Variants in RUNX2 observed in about 807,000 individuals in gnomAD.
RUNX2 encodes the protein runt-related transcription factor 2.
Under a neutral mutation model 51.7 loss-of-function variants are expected in RUNX2, and 10 were observed. The ratio of observed to expected loss-of-function variants is 0.19; its 90% confidence interval spans 0.12 to 0.33. The LOEUF (loss-of-function observed/expected upper bound fraction) is 0.33. RUNX2 is among the 10% of genes least tolerant of loss of function. The pLI, the probability that RUNX2 is intolerant of heterozygous loss-of-function variation, is 1.00. For missense variants in RUNX2, 562 were observed against 691.3 expected, an observed-to-expected ratio of 0.81 and a Z score of 2.10; for synonymous variants, 276 against 273.6, an observed-to-expected ratio of 1.01 and a Z score of -0.09.
chr6:45,463,315 C>T (rs1452259238), intron 5 of RUNX2, among the ~76,000 whole-genome samples: 1 of 152,136 alleles, frequency 6.6e-6, no homozygotes, highest in Non-Finnish European at 1.5e-5. Flanking sequence ...TTATATCATC[C>T]TCAGGCATAT....
intron 7 of RUNX2, among the ~76,000 whole-genome samples, chr6:45,521,047 C>G (rs1242087883): frequency 2.0e-5 from 3 of 152,280 alleles, no homozygotes; most frequent in African/African-American, 7.2e-5. Flanking sequence ...AATTTAATTG[C>G]ATGCCATTCT....
intron 2 of RUNX2, among the ~76,000 whole-genome samples, chr6:45,412,384 C>T (rs1214604809): frequency 2.0e-5 from 3 of 150,872 alleles, no homozygotes; most frequent in South Asian, 4.2e-4. Context: ...AACAAAACCC[C>T]CCAAAAAAAA....
At chr6:45,356,003 G>A (rs544513063) in intron 2 of RUNX2, among the ~76,000 whole-genome samples, 1 of 152,214 alleles carries the variant, frequency 6.6e-6, no homozygotes, top group South Asian at 2.1e-4. Flanking sequence ...TACTAGCCAT[G>A]GCAAAAACTG....
intron 7 of RUNX2, among the ~76,000 whole-genome samples, chr6:45,535,169 T>C (rs1183857299): frequency 6.6e-6 from 1 of 151,926 alleles, no homozygotes; most frequent in Admixed American, 6.6e-5. Context: ...GACGATGAAA[T>C]AATCTGTATA....
At chr6:45,438,133 C>A in intron 5 of RUNX2, 82 bp downstream of exon 5, 2 of 882,552 alleles carry the variant, frequency 2.3e-6, no homozygotes, top group East Asian at 2.5e-5. Context: ...GAGTTAGTGT[C>A]ACTTTCATGT....
intron 3 of RUNX2, among the ~76,000 whole-genome samples, chr6:45,424,646 C>T (rs992642593): frequency 6.6e-6 from 1 of 152,104 alleles, no homozygotes; most frequent in Non-Finnish European, 1.5e-5. Context: ...ATCACCCCCA[C>T]CCCACGCACC....
intron 2 of RUNX2, among the ~76,000 whole-genome samples, chr6:45,384,195 A>G (rs1276106422): frequency 6.6e-6 from 1 of 152,178 alleles, no homozygotes; most frequent in Admixed American, 6.5e-5. Flanking sequence ...TTAAATGGGA[A>G]GTTCCTGACA....
chr6:45,358,198 C>T (rs906037945), intron 2 of RUNX2, among the ~76,000 whole-genome samples: 3 of 152,034 alleles, frequency 2.0e-5, no homozygotes, highest in Non-Finnish European at 1.5e-5. Flanking sequence ...ACAGATGCAA[C>T]CCAGAAAAGA....
chr6:45,482,354 C>T (rs547405697), intron 5 of RUNX2, among the ~76,000 whole-genome samples: 3 of 152,320 alleles, frequency 2.0e-5, no homozygotes, highest in South Asian at 2.1e-4. Context: ...CTGATATTGG[C>T]GTAGCCTGAT....
intron 2 of RUNX2, among the ~76,000 whole-genome samples, chr6:45,347,078 A>G (rs892822820): frequency 6.6e-6 from 1 of 152,196 alleles, no homozygotes; most frequent in Non-Finnish European, 1.5e-5. Context: ...ACACATTTTA[A>G]ATAAAAATAC....
chr6:45,550,828 G>C lies in RUNX2; in HGVS notation c.*3523G>C, dbSNP rs571442606. 9.8e-4 allele frequency: 149 copies of C among 152,676 alleles called. 1 individual carries two copies. The highest frequency in any genetic ancestry group is 3.4e-3 in the African/African-American group (142 of 41,532). The allele number at this position is 152,676 out of a possible 1,614,324, so 9.5% of individuals were successfully genotyped here. On this transcript the variant is annotated 3_prime_UTR_variant, in exon 9 of 9. Transcript: ENST00000647337. ...GGAACAAAAATATTTGTAGCATTTT[G>C]TGTAAATACAAGCTTTCATTTTTAT...
Position 45,487,664 on chromosome 6 carries a change from C to T in RUNX2, c.686-4277C>T, listed in dbSNP as rs139208393. Among the ~76,000 whole-genome samples, 364 of 152,028 alleles carry T rather than the reference C, an allele frequency of 2.4e-3. 1 individual carries two copies. The highest frequency in any genetic ancestry group is 0.014 in the Middle Eastern group (4 of 294). ...GATATATATAATATGATGTCCTGGA[C>T]CAGAAAATTTTCTTTCACTCAAGGA... On this transcript the variant is annotated intron_variant, in intron 5 of 8. Coordinates refer to ENST00000647337, the MANE Select transcript of RUNX2 (RefSeq NM_001024630.4).
chr6:45,519,790 A>ATG (rs35210688), intron 7 of RUNX2, among the ~76,000 whole-genome samples: 4,838 of 124,024 alleles, frequency 0.039, 119 homozygotes, highest in Admixed American at 0.049. Flanking sequence ...ATATATATAT[A>ATG]TGTGTGTGTG....
chr6:45,403,482 C>A (rs1251258292), intron 2 of RUNX2, among the ~76,000 whole-genome samples: 1 of 152,184 alleles, frequency 6.6e-6, no homozygotes, highest in Admixed American at 6.5e-5. Context: ...ATCCGCCCGC[C>A]TCAGCATCTC....
At chr6:45,418,914 G>A (rs1006942697) in intron 2 of RUNX2, among the ~76,000 whole-genome samples, 1 of 152,126 alleles carries the variant, frequency 6.6e-6, no homozygotes, top group African/African-American at 2.4e-5. Context: ...TGAAATGGAG[G>A]AAGGATACTG....
At chr6:45,331,144 T>C (rs1787424250) in intron 2 of RUNX2, among the ~76,000 whole-genome samples, 1 of 151,360 alleles carries the variant, frequency 6.6e-6, no homozygotes, top group Non-Finnish European at 1.5e-5. Flanking sequence ...CGCGCGCACA[T>C]GCTAGAGAAA....
chr6:45,360,804 G>A (rs1288770208), intron 2 of RUNX2, among the ~76,000 whole-genome samples: 1 of 152,164 alleles, frequency 6.6e-6, no homozygotes, highest in East Asian at 1.9e-4. Flanking sequence ...GAAGCGGGCA[G>A]AACTACAGAC....
At chr6:45,365,329 C>T in intron 2 of RUNX2, 1 of 1,423,436 alleles carries the variant, frequency 7.0e-7, no homozygotes. Context: ...ATAAAGCTTA[C>T]AAAATGTACC....
intron 5 of RUNX2, among the ~76,000 whole-genome samples, chr6:45,441,996 G>A (rs1173155634): frequency 1.3e-5 from 2 of 152,180 alleles, no homozygotes; most frequent in Admixed American, 6.5e-5. Context: ...CACATCTGGC[G>A]TTGGCAGTTG....
Sources: gnomAD v4.1 joint callset for allele counts (sites outside exome capture counted in the v4.1 genomes callset) on GRCh38, gnomAD v4.1.1 for gene constraint, MANE v1.5 for transcripts, NCBI Gene and HGNC (gene_info 2026-07-23, HGNC 2026-07-21) for gene names.